The following CSMD3 variants were observed in gnomAD, a reference collection of about 807,000 sequenced individuals.
CSMD3 encodes the protein CUB and Sushi multiple domains 3.
A neutral mutation model predicts 435.2 loss-of-function variants in CSMD3; 177 were observed. That is an observed-to-expected ratio of 0.41 (90% CI 0.36 to 0.46). CSMD3 has a LOEUF of 0.46. Among genes scored for constraint, CSMD3 ranks in the 20% least tolerant of loss-of-function variants. CSMD3 has a pLI of 0.34. For missense variants in CSMD3, 4,265 were observed against 4,504.6 expected (o/e 0.95, Z 1.52); for synonymous variants, 1,656 against 1,520.5 (o/e 1.09, Z -2.07).
In CSMD3 at chr8:112,772,149, T is replaced by G. The variant is rs548392083; in HGVS notation, c.1972+28013A>C. On this transcript the variant is annotated intron_variant, in intron 13 of 70. Transcript: ENST00000297405. ...AAGGTAGAAGGTTTCAAATGAAAAT[T>G]TAATAAAGGGCATTGACTAAAAACT... 9.5e-5 allele frequency among the ~76,000 whole-genome samples: 14 copies of G among 148,066 alleles called. 1 individual carries two copies. The South Asian group carries it at 3.0e-3, about 32-fold the overall frequency.
chr8:113,300,198 T>G (rs2093754864), intron 2 of CSMD3, among the ~76,000 whole-genome samples: 1 of 148,152 alleles, frequency 6.7e-6, no homozygotes, highest in Non-Finnish European at 1.5e-5. Context: ...TTGGTGTGAA[T>G]GCGAAGAAAA....
At chr8:112,226,099 T>C (rs1812530040) in intron 70 of CSMD3, among the ~76,000 whole-genome samples, 1 of 152,132 alleles carries the variant, frequency 6.6e-6, no homozygotes, top group African/African-American at 2.4e-5. Flanking sequence ...CATTATATTA[T>C]TTTATTATCA....
chr8:113,007,018 C>T (rs2086083209), intron 6 of CSMD3, among the ~76,000 whole-genome samples: 1 of 151,830 alleles, frequency 6.6e-6, no homozygotes, highest in Non-Finnish European at 1.5e-5. Context: ...CCAAGAAAGA[C>T]CTGAAACAGT....
chr8:113,251,220 G>C (rs1436124646), intron 3 of CSMD3, among the ~76,000 whole-genome samples: 2 of 152,004 alleles, frequency 1.3e-5, no homozygotes. Flanking sequence ...CTAGCTCATT[G>C]ATTATCAATG....
Position 112,797,176 on chromosome 8 carries a change from T to C in CSMD3, c.1972+2986A>G, listed in dbSNP as rs1006597341. On this transcript the variant is annotated intron_variant, in intron 13 of 70. Transcript: ENST00000297405. ...CTATTTTACATTCATACATAAATTT[T>C]TGTTCCTCTCTCAATAGTACAGTCT... Among the ~76,000 whole-genome samples, 3 of 151,930 alleles carry C rather than the reference T, an allele frequency of 2.0e-5. No individual in the cohort carries two copies. The East Asian group carries it at 5.8e-4, about 29-fold the overall frequency.
At chr8:112,594,135 C>G (rs983142586) in intron 22 of CSMD3, among the ~76,000 whole-genome samples, 7 of 152,240 alleles carry the variant, frequency 4.6e-5, no homozygotes, top group Admixed American at 3.9e-4. Context: ...GAGTGCCAGA[C>G]AGTGGGCACA....
chr8:112,468,509 T>C (rs73702889), intron 32 of CSMD3, among the ~76,000 whole-genome samples: 2,241 of 152,212 alleles, frequency 0.015, 60 homozygotes, highest in African/African-American at 0.051. Flanking sequence ...GAAATCTTAT[T>C]TGGACTCCTA....
chr8:112,423,852 TTA>T (rs1379223865), intron 32 of CSMD3, among the ~76,000 whole-genome samples: 1 of 152,004 alleles, frequency 6.6e-6, no homozygotes, highest in East Asian at 1.9e-4. Flanking sequence ...CCCAAAGCTT[TTA>T]TATATATATA....
chr8:112,793,696 T>G (rs1587315068), intron 13 of CSMD3, among the ~76,000 whole-genome samples: 1 of 152,024 alleles, frequency 6.6e-6, no homozygotes, highest in Admixed American at 6.6e-5. Context: ...GGTACGGAAA[T>G]AGCTGGATTG....
rs78027627 is a variant in CSMD3 at position 113,137,261 on chromosome 8, C to T, written c.709+36461G>A. 5.3e-3 allele frequency among the ~76,000 whole-genome samples: 804 copies of T among 151,582 alleles called. 11 individuals are homozygous for T. The highest frequency in any genetic ancestry group is 0.018 in the African/African-American group (766 of 41,432). On this transcript the variant is annotated intron_variant, in intron 4 of 70. Coordinates refer to ENST00000297405, the MANE Select transcript of CSMD3 (RefSeq NM_198123.2). ...AGAGTTTAAAAAATTTAAATGATGG[C>T]GGTTTTACCTGGTATTGTCTAGAAA...
chr8:112,271,518 C>T (rs1372542930), intron 59 of CSMD3, among the ~76,000 whole-genome samples: 2 of 151,792 alleles, frequency 1.3e-5, no homozygotes, highest in African/African-American at 4.8e-5. Context: ...GAGAAAAGTA[C>T]AGAAGAAGAG....
chr8:112,702,401 A>G (rs1310886526), intron 13 of CSMD3, among the ~76,000 whole-genome samples: 1 of 152,198 alleles, frequency 6.6e-6, no homozygotes, highest in Non-Finnish European at 1.5e-5. Context: ...ACATAATATA[A>G]GCAATCACAA....
At chr8:112,662,276 T>A (rs1213649118) in intron 17 of CSMD3, among the ~76,000 whole-genome samples, 1 of 152,118 alleles carries the variant, frequency 6.6e-6, no homozygotes, top group East Asian at 1.9e-4. Context: ...CGAACTATAC[T>A]ACAAGGCTAC....
At chr8:112,599,228 C>T (rs1231164676) in intron 22 of CSMD3, among the ~76,000 whole-genome samples, 1 of 150,268 alleles carries the variant, frequency 6.7e-6, no homozygotes, top group Non-Finnish European at 1.5e-5. Context: ...AGACACTTCT[C>T]AAAAGAAGAC....
At position 113,276,532 on chromosome 8, in the gene CSMD3, A is replaced by G. The variant is rs543078988; in HGVS notation, c.514+2060T>C. On this transcript the variant is annotated intron_variant, in intron 3 of 70. Transcript: ENST00000297405. The stretch of plus-strand genomic sequence containing the variant: ...AGGAAACAGGTATCATGGTCCTACA[A>G]ACTTGAAGAACTGGATCTTGCTAAC... Among the ~76,000 whole-genome samples, 38 of 152,134 alleles carry G rather than the reference A, an allele frequency of 2.5e-4. 1 individual carries two copies. The South Asian group carries it at 7.9e-3, about 32-fold the overall frequency.
At chr8:112,299,546 A>G (rs1411153985) in intron 53 of CSMD3, among the ~76,000 whole-genome samples, 1 of 152,104 alleles carries the variant, frequency 6.6e-6, no homozygotes, top group Non-Finnish European at 1.5e-5. Context: ...AAAAAATGCT[A>G]ATTGTAGAAT....
At chr8:112,469,363 T>G (rs750902264) in intron 32 of CSMD3, among the ~76,000 whole-genome samples, 29 of 152,154 alleles carry the variant, frequency 1.9e-4, no homozygotes, top group Non-Finnish European at 3.8e-4. Context: ...TATTTTCATG[T>G]GTAATGTTGG....
At position 113,042,540 on chromosome 8, in the gene CSMD3, A is replaced by G. The variant is rs564576853; in HGVS notation, c.918-23361T>C. Among the ~76,000 whole-genome samples, 14 of 152,176 alleles carry G rather than the reference A, an allele frequency of 9.2e-5. No individual in the cohort carries two copies. The South Asian group carries it at 2.7e-3, about 29-fold the overall frequency. On this transcript the variant is annotated intron_variant, in intron 5 of 70. Coordinates refer to ENST00000297405, the MANE Select transcript of CSMD3 (RefSeq NM_198123.2). ...ATAATTTTTCTAATGTATTTTGTGT[A>G]TTTATCTTATGCTCAGTTTCTTGAT... is the stretch of plus-strand genomic sequence containing the variant.
chr8:112,504,098 G>C, intron 29 of CSMD3, 121 bp from the exon 30 acceptor site: 2 of 602,826 alleles, frequency 3.3e-6, no homozygotes, highest in Non-Finnish European at 5.6e-6. Flanking sequence ...AATAAAAGAC[G>C]CTGTCAAAAT....
Sources: gnomAD v4.1 joint callset for allele counts (sites outside exome capture counted in the v4.1 genomes callset) on GRCh38, gnomAD v4.1.1 for gene constraint, MANE v1.5 for transcripts, NCBI Gene and HGNC (gene_info 2026-07-23, HGNC 2026-07-21) for gene names.